Variants in MTPN observed in about 807,000 individuals in gnomAD.
MTPN encodes myotrophin.
In MTPN, 2 loss-of-function variants were observed where a neutral mutation model predicts 13.5. The ratio of observed to expected loss-of-function variants is 0.15; its 90% CI spans 0.06 to 0.47. The LOEUF (loss-of-function observed/expected upper bound fraction) is 0.47, where lower values mean the gene tolerates loss of function less well. Among genes scored for constraint, MTPN ranks in the 20% least tolerant of loss-of-function variants. The probability of loss-of-function intolerance (pLI) is 0.97; values close to 1 mark genes in which losing one functional copy is unlikely to be tolerated. For synonymous variants in MTPN, 46 were observed against 51.7 expected (o/e 0.89, Z 0.48); for missense variants, 79 against 137.9 (o/e 0.57, Z 2.14).
intron 1 of MTPN, among the ~76,000 whole-genome samples, chr7:135,967,952 C>T (rs1351199975): frequency 6.6e-6 from 1 of 152,074 alleles, no homozygotes; most frequent in East Asian, 1.9e-4. Context: ...AAAGTGTTTA[C>T]TACCTACAAT....
chr7:135,930,667 G>C (rs1329981668), intron 3 of MTPN, among the ~76,000 whole-genome samples: 5 of 152,048 alleles, frequency 3.3e-5, no homozygotes, highest in Non-Finnish European at 5.9e-5. Flanking sequence ...GCCCTTTTGT[G>C]CCTGTATGTT....
At chr7:135,939,163 C>G (rs1486907808) in intron 3 of MTPN, among the ~76,000 whole-genome samples, 1 of 152,178 alleles carries the variant, frequency 6.6e-6, no homozygotes, top group East Asian at 1.9e-4. Context: ...TAAATGAATA[C>G]AGTGTGTACT....
At position 135,977,174 on chromosome 7, in the gene MTPN, G is replaced by A. The variant is rs538112837; in HGVS notation, c.-74C>T. The A allele has an allele frequency of 1.1e-5, 16 of 1,496,814 alleles. No individual in the cohort carries two copies. The highest frequency in any genetic ancestry group is 3.3e-5 in the Admixed American group (2 of 59,818). 92.7% of individuals were successfully genotyped at this position (1,496,814 alleles called of 1,614,324 possible). Reference sequence around the variant, plus strand: ...TGGCAGCAGCAAGCGGATGCCGCCGGGCGAGAGGGAGGCAGGGCCGCGCGA... The same window carrying A: ...TGGCAGCAGCAAGCGGATGCCGCCGAGCGAGAGGGAGGCAGGGCCGCGCGA... On this transcript the variant is annotated 5_prime_UTR_variant, in exon 1 of 4. Transcript: ENST00000393085.
chr7:135,957,168 T>C (rs1156501086), intron 1 of MTPN, among the ~76,000 whole-genome samples: 2 of 152,250 alleles, frequency 1.3e-5, no homozygotes, highest in Admixed American at 6.5e-5. Context: ...ATTCCATATA[T>C]GTAATCTAAA....
intron 1 of MTPN, among the ~76,000 whole-genome samples, chr7:135,962,929 G>T (rs1799547907): frequency 1.3e-5 from 2 of 152,038 alleles, no homozygotes; most frequent in Admixed American, 1.3e-4. Context: ...TGATCTGTAA[G>T]ATATGTACGC....
intron 1 of MTPN, among the ~76,000 whole-genome samples, chr7:135,953,969 A>G (rs2116380488): frequency 6.6e-6 from 1 of 151,510 alleles, no homozygotes; most frequent in African/African-American, 2.4e-5. Context: ...GTATATATGT[A>G]ATATAATGTA....
chr7:135,939,595 C>T (rs1026064598), intron 3 of MTPN, among the ~76,000 whole-genome samples: 1 of 6,048 alleles, frequency 1.7e-4, no homozygotes, highest in Non-Finnish European at 4.8e-4. Flanking sequence ...GGGGCGGGTG[C>T]GTGGGGCGGG....
At position 135,927,982 on chromosome 7, in the gene MTPN, T is replaced by A. The variant is rs977630668; in HGVS notation, c.*1944A>T. ...AAATTCAAGCCTTTAAATAGCATTATGTCAAGAGGTGAAAACAAAGGTATC... is the reference window on the plus strand; with the variant it reads ...AAATTCAAGCCTTTAAATAGCATTAAGTCAAGAGGTGAAAACAAAGGTATC... On this transcript the variant is annotated 3_prime_UTR_variant, in exon 4 of 4. Coordinates refer to ENST00000393085, the MANE Select transcript of MTPN (RefSeq NM_145808.4). 3.5e-6 allele frequency: 1 copy of A among 283,110 alleles called. No individual in the cohort carries two copies. Among genetic ancestry groups the A allele is most frequent in the African/African-American group, 2.3e-5 (1 of 43,434 alleles). The allele number at this position is 283,110 out of a possible 1,614,324, so 17.5% of individuals were successfully genotyped here.
intron 3 of MTPN, among the ~76,000 whole-genome samples, chr7:135,943,747 T>C (rs1384019845): frequency 6.6e-6 from 1 of 152,182 alleles, no homozygotes; most frequent in Non-Finnish European, 1.5e-5. Context: ...AGATTAGAGT[T>C]GGCTTCCTGA....
chr7:135,967,944 A>C (rs1252958272), intron 1 of MTPN, among the ~76,000 whole-genome samples: 1 of 152,088 alleles, frequency 6.6e-6, no homozygotes, highest in African/African-American at 2.4e-5. Flanking sequence ...CTATGTTTAA[A>C]GTGTTTACTA....
chr7:135,960,116 C>A (rs931155196), intron 1 of MTPN, among the ~76,000 whole-genome samples: 2 of 152,004 alleles, frequency 1.3e-5, no homozygotes, highest in Non-Finnish European at 2.9e-5. Context: ...TCATTCCCCA[C>A]AAGGAATCTG....
chr7:135,945,582 C>T (rs1056668702), intron 3 of MTPN, among the ~76,000 whole-genome samples: 7 of 152,170 alleles, frequency 4.6e-5, no homozygotes, highest in African/African-American at 1.7e-4. Context: ...TTTCCACCTC[C>T]ATATCTTGTC....
intron 1 of MTPN, among the ~76,000 whole-genome samples, chr7:135,962,675 T>C (rs1021452241): frequency 2.0e-5 from 3 of 152,044 alleles, no homozygotes; most frequent in Non-Finnish European, 4.4e-5. Context: ...TTTAGAAGTT[T>C]CAGATTTTCT....
chr7:135,968,505 C>T (rs1799639766), intron 1 of MTPN, among the ~76,000 whole-genome samples: 2 of 152,026 alleles, frequency 1.3e-5, no homozygotes, highest in South Asian at 4.2e-4. Flanking sequence ...AAAAAAATTA[C>T]TTTCAGCCAT....
chr7:135,961,361 A>T (rs1799519788), intron 1 of MTPN, among the ~76,000 whole-genome samples: 1 of 152,010 alleles, frequency 6.6e-6, no homozygotes. Flanking sequence ...TAGATAAAGC[A>T]AAAAGACTCC....
chr7:135,969,238 TAA>T (rs57871609), intron 1 of MTPN, among the ~76,000 whole-genome samples: 32,817 of 109,082 alleles, frequency 0.3, 3,687 homozygotes, highest in East Asian at 0.45. Flanking sequence ...TAAAGTATAA[TAA>T]AAAAAAAAAA....
At chr7:135,974,963 GAAAGGAT>G (rs957070321) in intron 1 of MTPN, among the ~76,000 whole-genome samples, 6 of 152,254 alleles carry the variant, frequency 3.9e-5, no homozygotes, top group African/African-American at 1.4e-4. Flanking sequence ...TCAAAACTAA[GAAAGGAT>G]AAAGCTCAAT....
chr7:135,973,264 T>A (rs1799722789), intron 1 of MTPN, among the ~76,000 whole-genome samples: 1 of 146,332 alleles, frequency 6.8e-6, no homozygotes, highest in African/African-American at 2.5e-5. Context: ...ACTATTTTCT[T>A]ATAGTCAAGA....
At chr7:135,961,722 C>A (rs1355488417) in intron 1 of MTPN, among the ~76,000 whole-genome samples, 2 of 151,790 alleles carry the variant, frequency 1.3e-5, no homozygotes, top group Non-Finnish European at 2.9e-5. Context: ...AACAAATTTC[C>A]AACCAGAAGC....
Sources: allele counts gnomAD v4.1 joint callset (sites outside exome capture counted in the v4.1 genomes callset), GRCh38; gene constraint gnomAD v4.1.1; transcripts MANE v1.5; gene names NCBI Gene and HGNC (gene_info 2026-07-23, HGNC 2026-07-21).